The following LSM4 variants were observed in gnomAD, a reference collection of about 807,000 sequenced individuals.
The protein encoded by LSM4 is U6 snRNA-associated Sm-like protein LSm4.
LSM4 carries 15 observed loss-of-function variants against 22.3 expected under a neutral mutation model. The observed-to-expected ratio is 0.67, with a 90% CI of 0.45 to 1.03. The LOEUF (loss-of-function observed/expected upper bound fraction) is 1.03. Among genes scored for constraint, LSM4 ranks in the 50% least tolerant of loss-of-function variants. The probability of loss-of-function intolerance (pLI) is 0.00; values close to 1 mark genes in which losing one functional copy is unlikely to be tolerated. For missense variants in LSM4, 127 were observed against 198.0 expected, an observed-to-expected ratio of 0.64 and a Z score of 2.15; for synonymous variants, 90 against 79.8, an observed-to-expected ratio of 1.13 and a Z score of -0.68.
At chr19:18,319,945 A>G (rs2148147161) in intron 1 of LSM4, among the ~76,000 whole-genome samples, 2 of 152,334 alleles carry the variant, frequency 1.3e-5, no homozygotes, top group Non-Finnish European at 2.9e-5. Context: ...GGGACTCGGT[A>G]AATATTTGCT....
At chr19:18,312,583 G>C (rs199866051) in intron 3 of LSM4, 21 bp downstream of exon 3, 4 of 1,597,372 alleles carry the variant, frequency 2.5e-6, no homozygotes, top group South Asian at 1.1e-5. Flanking sequence ...TCCCACCCCC[G>C]TTGGTGGGTG....
At chr19:18,317,106 C>T (rs1970365050) in intron 1 of LSM4, among the ~76,000 whole-genome samples, 1 of 151,660 alleles carries the variant, frequency 6.6e-6, no homozygotes, top group African/African-American at 2.4e-5. Flanking sequence ...CTGCAACTTC[C>T]ACCTCCCGGG....
At chr19:18,309,043 C>T (rs1361934470) in intron 4 of LSM4, among the ~76,000 whole-genome samples, 1 of 152,140 alleles carries the variant, frequency 6.6e-6, no homozygotes, top group Non-Finnish European at 1.5e-5. Context: ...CCAAAGCTCC[C>T]TGCCTGGAGT....
chr19:18,314,952 T>G (rs1251248176), intron 2 of LSM4, among the ~76,000 whole-genome samples: 1 of 152,000 alleles, frequency 6.6e-6, no homozygotes, highest in Admixed American at 6.6e-5. Context: ...TGGCGCGATC[T>G]CAGCTCACTG....
At chr19:18,320,299 G>A (rs1970412130) in intron 1 of LSM4, among the ~76,000 whole-genome samples, 2 of 152,140 alleles carry the variant, frequency 1.3e-5, no homozygotes, top group African/African-American at 4.8e-5. Flanking sequence ...CTTGAGCCCA[G>A]GAGTATGAGA....
chr19:18,315,106 C>T (rs549905942), intron 2 of LSM4, among the ~76,000 whole-genome samples: 4 of 151,862 alleles, frequency 2.6e-5, no homozygotes, highest in African/African-American at 4.8e-5. Flanking sequence ...AGGATGGTCT[C>T]GATCTCCTGA....
At chr19:18,307,639 A>T in intron 4 of LSM4, 84 bp from the exon 5 acceptor site, 1 of 971,838 alleles carries the variant, frequency 1.0e-6, no homozygotes, top group Non-Finnish European at 1.4e-6. Context: ...ACTCTAGGCC[A>T]GGTCACCTAA....
chr19:18,307,647 T>C (rs1258035384), intron 4 of LSM4, 92 bp from the exon 5 acceptor site: 10 of 906,582 alleles, frequency 1.1e-5, no homozygotes, highest in Non-Finnish European at 1.6e-5. Context: ...CCAGGTCACC[T>C]AAGTCTCCAG....
rs149943550 is a variant in LSM4 at position 18,313,287 on chromosome 19, T to C, written c.46-585A>G. Among the ~76,000 whole-genome samples, 1,213 of 152,160 alleles carry C rather than the reference T, an allele frequency of 8.0e-3. 18 individuals carry two copies. The highest frequency in any genetic ancestry group is 0.028 in the African/African-American group (1,167 of 41,516). On this transcript the variant is annotated intron_variant, in intron 2 of 4. Transcript: ENST00000593829. ...AGAAACACAGAAATGTTTAAAGGAA[T>C]AAGTGAGACAATGGTGATGGTGGCC...
chr19:18,312,481 G>A, intron 3 of LSM4, 123 bp downstream of exon 3: 1 of 779,186 alleles, frequency 1.3e-6, no homozygotes, highest in Admixed American at 1.9e-5. Flanking sequence ...ACTGACCCCT[G>A]GAAGGACGAG....
At chr19:18,322,287 A>G (rs1272276802) in intron 1 of LSM4, among the ~76,000 whole-genome samples, 6 of 152,202 alleles carry the variant, frequency 3.9e-5, no homozygotes, top group Admixed American at 6.5e-5. Context: ...GGAAACTCCC[A>G]GCTCTGAATT....
At chr19:18,316,653 C>T (rs1970359849) in intron 1 of LSM4, among the ~76,000 whole-genome samples, 5 of 152,048 alleles carry the variant, frequency 3.3e-5, no homozygotes, top group Admixed American at 3.3e-4. Flanking sequence ...TGCCCTAATG[C>T]TTGTATTTTA....
At position 18,317,962 on chromosome 19, in the gene LSM4, C is replaced by T. The variant is rs187216321; in HGVS notation, c.4-1897G>A. On this transcript the variant is annotated intron_variant, in intron 1 of 4. Coordinates refer to ENST00000593829, the MANE Select transcript of LSM4 (RefSeq NM_012321.5). Reference sequence around the variant, plus strand: ...TCAACCCGTACGCTGGGAGCTGCCTCGGGTAACGCAGAGCTGTGCCTGGGT... The same window carrying T: ...TCAACCCGTACGCTGGGAGCTGCCTTGGGTAACGCAGAGCTGTGCCTGGGT... Among the ~76,000 whole-genome samples the T allele has an allele frequency of 1.5e-3, 225 of 152,292 alleles. 1 individual carries two copies. Among genetic ancestry groups the T allele is most frequent in the African/African-American group, 5.2e-3 (216 of 41,550 alleles).
chr19:18,312,745 C>G (rs1161888364), intron 2 of LSM4, 43 bp from the exon 3 acceptor site: 1 of 1,473,742 alleles, frequency 6.8e-7, no homozygotes, highest in African/African-American at 1.4e-5. Flanking sequence ...GCCCTGGAGC[C>G]CTGCGCCATG....
rs1356965474 is a variant in LSM4, at chr19:18,309,771, C to T, written c.235G>A (p.Val79Ile). Residue 79 changes from valine (V) to isoleucine (I), a missense_variant, in exon 4 of 5, where the codon GTC becomes ATC. Physicochemically the swap from Val to Ile is conservative, Grantham distance 29. Coordinates refer to ENST00000593829, the MANE Select transcript of LSM4 (RefSeq NM_012321.5). ...LRIPDEIIDM[V>I]KEEVVAKGRG... ...CCCTTGGCCACCACCTCCTCCTTGA[C>T]CATGTCGATGATCTCGTCGGGGATG... The T allele has an allele frequency of 1.2e-6, 2 of 1,613,930 alleles. No individual in the cohort carries two copies. The highest frequency in any genetic ancestry group is 2.2e-5 in the South Asian group (2 of 91,078).
At chr19:18,317,825 C>G (rs1970375766) in intron 1 of LSM4, among the ~76,000 whole-genome samples, 1 of 152,256 alleles carries the variant, frequency 6.6e-6, no homozygotes, top group South Asian at 2.1e-4. Context: ...ACCACCACGC[C>G]TGGTTTCAAG....
chr19:18,308,558 A>C (rs1970259124), intron 4 of LSM4, among the ~76,000 whole-genome samples: 1 of 152,312 alleles, frequency 6.6e-6, no homozygotes, highest in South Asian at 2.1e-4. Flanking sequence ...CGCTGCAGGC[A>C]GCATAGCTCA....
At position 18,311,192 on chromosome 19, in the gene LSM4, G is replaced by A. The variant is rs1295735845; in HGVS notation, c.145-1331C>T. 2.6e-5 allele frequency among the ~76,000 whole-genome samples: 4 copies of A among 152,234 alleles called. No individual in the cohort carries two copies. The South Asian group carries it at 6.2e-4, about 24-fold the overall frequency. Reference sequence around the variant, plus strand: ...CCAGGCAGGGCCCAGAGGCTTCCTCGTGCAGGAACCTGGGCAGGGCCTGAG... The same window carrying A: ...CCAGGCAGGGCCCAGAGGCTTCCTCATGCAGGAACCTGGGCAGGGCCTGAG... On this transcript the variant is annotated intron_variant, in intron 3 of 4. Transcript: ENST00000593829.
intron 2 of LSM4, among the ~76,000 whole-genome samples, chr19:18,315,407 T>C (rs1970343862): frequency 6.6e-6 from 1 of 152,168 alleles, no homozygotes; most frequent in Admixed American, 6.6e-5. Flanking sequence ...AGCCTCAGCC[T>C]CCCAAAGTGC....
Sources: gnomAD v4.1 joint callset for allele counts (sites outside exome capture counted in the v4.1 genomes callset) on GRCh38, gnomAD v4.1.1 for gene constraint, MANE v1.5 for transcripts, NCBI Gene and HGNC (gene_info 2026-07-23, HGNC 2026-07-21) for gene names.